Variants in CSRNP3 observed in about 807,000 individuals in gnomAD.
The protein encoded by CSRNP3 is cysteine/serine-rich nuclear protein 3.
Under a neutral mutation model 48.0 loss-of-function variants are expected in CSRNP3, and 12 were observed. That is an observed-to-expected ratio of 0.25 (90% CI 0.16 to 0.41). The LOEUF is 0.41. Ranked by LOEUF, CSRNP3 falls within the 10% of genes least tolerant of loss-of-function variation. The pLI is 1.00. For missense variants in CSRNP3, 580 were observed against 724.4 expected (o/e 0.80, Z 2.29); for synonymous variants, 263 against 269.7 (o/e 0.98, Z 0.24).
intron 4 of CSRNP3, among the ~76,000 whole-genome samples, chr2:165,618,802 T>C (rs766439678): frequency 5.3e-5 from 8 of 152,090 alleles, no homozygotes; most frequent in Non-Finnish European, 1.0e-4. Context: ...ATATTTTGAG[T>C]TGGTCTTAAA....
At chr2:165,489,648 C>G (rs1459486253) in intron 1 of CSRNP3, among the ~76,000 whole-genome samples, 1 of 125,226 alleles carries the variant, frequency 8.0e-6, no homozygotes, top group Non-Finnish European at 1.6e-5. Flanking sequence ...TCAATATACG[C>G]AAATCAATAA....
intron 5 of CSRNP3, among the ~76,000 whole-genome samples, chr2:165,672,329 A>G (rs1354151017): frequency 6.6e-6 from 1 of 152,198 alleles, no homozygotes; most frequent in Non-Finnish European, 1.5e-5. Context: ...TATAAAGAAA[A>G]AGAGGTTTAA....
At chr2:165,665,775 A>AGAGAGAGAGAGAGAGAGAGAGAGAGAG (rs1687171026) in intron 5 of CSRNP3, among the ~76,000 whole-genome samples, 1 of 131,196 alleles carries the variant, frequency 7.6e-6, no homozygotes, top group African/African-American at 3.1e-5. Flanking sequence ...AAAAGAAAGA[A>AGAGAGAGAGAGAGAGAGAGAGAGAGAG]AGAGAGAGAG....
chr2:165,547,989 AT>A, intron 3 of CSRNP3, among the ~76,000 whole-genome samples: 1 of 152,142 alleles, frequency 6.6e-6, no homozygotes, highest in African/African-American at 2.4e-5. Flanking sequence ...AACCTAATTT[AT>A]TTTGCTTTTA....
chr2:165,521,248 T>C (rs1320541694), intron 3 of CSRNP3, among the ~76,000 whole-genome samples: 1 of 151,880 alleles, frequency 6.6e-6, no homozygotes, highest in East Asian at 1.9e-4. Context: ...AGACTTCTCA[T>C]GCAGTTTTTC....
intron 3 of CSRNP3, among the ~76,000 whole-genome samples, chr2:165,579,458 T>G (rs1028560855): frequency 6.6e-6 from 1 of 152,238 alleles, no homozygotes; most frequent in African/African-American, 2.4e-5. Flanking sequence ...TTTGTACCTC[T>G]GCTCTACTAT....
At chr2:165,519,173 T>C (rs1296368045) in intron 3 of CSRNP3, among the ~76,000 whole-genome samples, 1 of 151,974 alleles carries the variant, frequency 6.6e-6, no homozygotes, top group African/African-American at 2.4e-5. Flanking sequence ...AAATATGAGA[T>C]TCTAGGAATG....
At position 165,682,569 on chromosome 2, in the gene CSRNP3, A is replaced by G. The variant is rs1439373032; in HGVS notation, c.*2816A>G. On this transcript the variant is annotated 3_prime_UTR_variant, in exon 7 of 7. Coordinates refer to ENST00000651982, the MANE Select transcript of CSRNP3 (RefSeq NM_001172173.2). ...TGGTTGGGCTTTATGATCTAAAAAA[A>G]TGTGGTTTAGAAAAGAGGATAATTG... 1 of 152,128 alleles carries G rather than the reference A, an allele frequency of 6.6e-6. No homozygotes were observed. Among genetic ancestry groups the G allele is most frequent in the Non-Finnish European group, 1.5e-5 (1 of 67,994 alleles). 9.4% of individuals were successfully genotyped at this position (152,128 alleles called of 1,614,324 possible).
Position 165,516,200 on chromosome 2 carries a change from T to A in CSRNP3, c.-112-1673T>A, listed in dbSNP as rs141802590. On this transcript the variant is annotated intron_variant, in intron 2 of 6. Coordinates refer to ENST00000651982, the MANE Select transcript of CSRNP3 (RefSeq NM_001172173.2). ...TTGCTGCTTGCTTGTTGGTTTTTAA[T>A]TTCTTGAACTGTAATCTCAGGATAT... Among the ~76,000 whole-genome samples the A allele has an allele frequency of 5.9e-4, 90 of 152,274 alleles. No homozygotes were observed. The East Asian group carries it at 7.3e-3, about 12-fold the overall frequency.
chr2:165,593,585 G>A (rs1278376255), intron 3 of CSRNP3, among the ~76,000 whole-genome samples: 1 of 152,172 alleles, frequency 6.6e-6, no homozygotes, highest in East Asian at 1.9e-4. Flanking sequence ...TGAACACGCT[G>A]CTTGCTCTGT....
intron 4 of CSRNP3, among the ~76,000 whole-genome samples, chr2:165,635,619 T>G (rs981429542): frequency 2.0e-5 from 3 of 152,344 alleles, no homozygotes; most frequent in African/African-American, 7.2e-5. Flanking sequence ...CTATTTTATT[T>G]ATTATATTGT....
chr2:165,573,088 A>T, intron 3 of CSRNP3, among the ~76,000 whole-genome samples: 1 of 152,144 alleles, frequency 6.6e-6, no homozygotes, highest in African/African-American at 2.4e-5. Context: ...AAAAACAAGG[A>T]AATTTTGAAA....
At chr2:165,602,038 C>T (rs1685924129) in intron 4 of CSRNP3, among the ~76,000 whole-genome samples, 1 of 152,104 alleles carries the variant, frequency 6.6e-6, no homozygotes, top group African/African-American at 2.4e-5. Flanking sequence ...TAAATTATGT[C>T]TACCCAGCAT....
chr2:165,534,074 T>C (rs529536205), intron 3 of CSRNP3, among the ~76,000 whole-genome samples: 2 of 152,144 alleles, frequency 1.3e-5, no homozygotes, highest in Admixed American at 6.6e-5. Flanking sequence ...ATAAGATGTA[T>C]CCAGTGAAAT....
At chr2:165,477,504 A>AATATATATATATATATATATAT (rs35294627) in intron 1 of CSRNP3, among the ~76,000 whole-genome samples, 1 of 132,198 alleles carries the variant, frequency 7.6e-6, no homozygotes, top group African/African-American at 2.8e-5. Flanking sequence ...ATATAATACA[A>AATATATATATATATATATATAT]ATATATATAT....
At chr2:165,650,420 C>G (rs935132776) in intron 4 of CSRNP3, among the ~76,000 whole-genome samples, 1 of 152,118 alleles carries the variant, frequency 6.6e-6, no homozygotes, top group African/African-American at 2.4e-5. Context: ...GCTATCATGT[C>G]AAGTTGGAGA....
At chr2:165,553,414 A>C (rs1685123390) in intron 3 of CSRNP3, among the ~76,000 whole-genome samples, 1 of 152,170 alleles carries the variant, frequency 6.6e-6, no homozygotes, top group African/African-American at 2.4e-5. Context: ...CATATTCTAT[A>C]CCTATTTTCA....
At chr2:165,594,550 C>T (rs994146907) in intron 3 of CSRNP3, among the ~76,000 whole-genome samples, 8 of 152,288 alleles carry the variant, frequency 5.3e-5, no homozygotes, top group African/African-American at 1.7e-4. Flanking sequence ...CATTGCAATA[C>T]TGAAATGGAA....
chr2:165,584,681 C>CA (rs1204664218), intron 3 of CSRNP3, among the ~76,000 whole-genome samples: 1 of 152,034 alleles, frequency 6.6e-6, no homozygotes, highest in Non-Finnish European at 1.5e-5. Context: ...CAAAAGCCTG[C>CA]AAAAAATTCA....
Sources: gnomAD v4.1 joint callset for allele counts (sites outside exome capture counted in the v4.1 genomes callset) on GRCh38, gnomAD v4.1.1 for gene constraint, MANE v1.5 for transcripts, NCBI Gene and HGNC (gene_info 2026-07-23, HGNC 2026-07-21) for gene names.